Variants in KANSL1L observed in about 807,000 individuals in gnomAD.
The protein encoded by KANSL1L is KAT8 regulatory NSL complex subunit 1-like protein.
A neutral mutation model predicts 108.6 loss-of-function variants in KANSL1L; 25 were observed. The observed-to-expected ratio is 0.23, with a 90% CI of 0.17 to 0.32. KANSL1L has a LOEUF of 0.32. Ranked by LOEUF, KANSL1L falls within the 10% of genes least tolerant of loss-of-function variation. The probability of loss-of-function intolerance (pLI) is 1.00; values close to 1 mark genes in which losing one functional copy is unlikely to be tolerated. For missense variants in KANSL1L, 1,137 were observed against 1,125.7 expected (o/e 1.01, Z -0.14); for synonymous variants, 405 against 395.1 (o/e 1.03, Z -0.30).
intron 3 of KANSL1L, among the ~76,000 whole-genome samples, chr2:210,109,022 C>T (rs1575546880): frequency 6.6e-6 from 1 of 152,040 alleles, no homozygotes; most frequent in South Asian, 2.1e-4. Flanking sequence ...CTGTAAAAAA[C>T]GCCTTTTTCT....
At chr2:210,121,946 C>T (rs1241418079) in intron 3 of KANSL1L, among the ~76,000 whole-genome samples, 1 of 151,988 alleles carries the variant, frequency 6.6e-6, no homozygotes, top group Non-Finnish European at 1.5e-5. Context: ...ACAGTAGATA[C>T]AAATAAAACA....
intron 6 of KANSL1L, chr2:210,064,335 T>C (rs1251885349): frequency 6.6e-6 from 1 of 152,218 alleles, no homozygotes; most frequent in Non-Finnish European, 1.5e-5. Context: ...TTAATAAATA[T>C]TAGCTATTAT....
chr2:210,117,872 A>G (rs1329578987), intron 3 of KANSL1L, among the ~76,000 whole-genome samples: 1 of 152,202 alleles, frequency 6.6e-6, no homozygotes. Flanking sequence ...ATAAAAAAAT[A>G]GAAAATTTTG....
At chr2:210,142,822 A>T (rs777518562) in intron 2 of KANSL1L, among the ~76,000 whole-genome samples, 1 of 152,082 alleles carries the variant, frequency 6.6e-6, no homozygotes, top group Non-Finnish European at 1.5e-5. Flanking sequence ...AAAATACTTG[A>T]TATGATTTCA....
chr2:210,117,239 C>G (rs1217208275), intron 3 of KANSL1L, among the ~76,000 whole-genome samples: 3 of 152,038 alleles, frequency 2.0e-5, no homozygotes, highest in Non-Finnish European at 2.9e-5. Flanking sequence ...TAAAGCACAC[C>G]TACCAGATCA....
At chr2:210,096,164 C>T (rs370567104) in intron 5 of KANSL1L, among the ~76,000 whole-genome samples, 183 of 152,266 alleles carry the variant, frequency 1.2e-3, no homozygotes, top group African/African-American at 4.0e-3. Flanking sequence ...CTTTGAACTA[C>T]TAGTAGACAG....
chr2:210,040,173 A>G (rs1022883041), intron 8 of KANSL1L: 1 of 377,968 alleles, frequency 2.6e-6, no homozygotes, highest in East Asian at 3.9e-5. Flanking sequence ...CTGTTTCTCC[A>G]CATTTATTTA....
intron 6 of KANSL1L, among the ~76,000 whole-genome samples, chr2:210,066,487 C>T (rs13405054): frequency 2.6e-5 from 4 of 152,326 alleles, no homozygotes; most frequent in African/African-American, 7.2e-5. Flanking sequence ...CAAAGATATA[C>T]AGCATAATGA....
chr2:210,110,587 A>C (rs966797243), intron 3 of KANSL1L, among the ~76,000 whole-genome samples: 13 of 152,218 alleles, frequency 8.5e-5, no homozygotes, highest in African/African-American at 3.1e-4. Flanking sequence ...AGAATTAGCA[A>C]ATTAAAAGAC....
intron 5 of KANSL1L, among the ~76,000 whole-genome samples, chr2:210,084,178 T>C (rs1026196050): frequency 3.9e-5 from 6 of 152,090 alleles, no homozygotes; most frequent in Non-Finnish European, 8.8e-5. Flanking sequence ...TCCCAGCACT[T>C]TGGGAGGCCG....
chr2:210,135,471 C>A (rs2095165447), intron 2 of KANSL1L, among the ~76,000 whole-genome samples: 2 of 152,118 alleles, frequency 1.3e-5, no homozygotes, highest in Admixed American at 1.3e-4. Context: ...ATTTCCCAGC[C>A]TTACTTGCAG....
intron 1 of KANSL1L, among the ~76,000 whole-genome samples, chr2:210,164,860 T>G (rs968990535): frequency 6.7e-6 from 1 of 148,210 alleles, no homozygotes; most frequent in African/African-American, 2.5e-5. Context: ...TTTCTGTTTT[T>G]TTTTTTTTGT....
Position 210,029,865 on chromosome 2 carries a change from G to A in KANSL1L, c.2209C>T (p.His737Tyr), listed in dbSNP as rs753742725. 6.2e-7 allele frequency: 1 copy of A among 1,606,852 alleles called. No individual in the cohort carries two copies. The highest frequency in any genetic ancestry group is 1.1e-5 in the South Asian group (1 of 89,958). The change falls in exon 10 of 15, where the codon CAT becomes TAT. Residue 737 changes from histidine to tyrosine, a missense_variant. Around this residue, in one of 3 missense-constraint regions of KANSL1L, gnomAD observed 575 missense variants for 567.1 expected, o/e 1.01. Transcript: ENST00000281772. ...TTGGAAACAGCAGTAAAATTGCTAT[G>A]GGATCCTGATTCTGTGTGTTGAAAA... ...SDFQHTESGS[H>Y]SNFTAVSNVN...
chr2:210,031,377 T>G (rs1354700032), intron 9 of KANSL1L, 44 bp downstream of exon 9: 12 of 1,407,278 alleles, frequency 8.5e-6, no homozygotes, highest in Non-Finnish European at 1.1e-5. Flanking sequence ...AATTTTTAAT[T>G]TTTAATATTT....
intron 9 of KANSL1L, 129 bp downstream of exon 9, chr2:210,031,292 A>G: frequency 1.6e-6 from 1 of 625,868 alleles, no homozygotes; most frequent in Non-Finnish European, 2.7e-6. Context: ...TCATGTTTGT[A>G]GACTCATAGA....
intron 3 of KANSL1L, among the ~76,000 whole-genome samples, chr2:210,107,429 A>C (rs1463922965): frequency 1.3e-5 from 2 of 151,612 alleles, no homozygotes; most frequent in African/African-American, 4.8e-5. Context: ...GGAGAAGAGG[A>C]AATATAGGAA....
chr2:210,037,152 TC>T (rs1394377110), intron 8 of KANSL1L, among the ~76,000 whole-genome samples: 1 of 152,208 alleles, frequency 6.6e-6, no homozygotes, highest in Admixed American at 6.5e-5. Flanking sequence ...GCATACTCTT[TC>T]AGTCAATAAC....
chr2:210,095,352 C>T (rs916601992), intron 5 of KANSL1L, among the ~76,000 whole-genome samples: 1 of 152,014 alleles, frequency 6.6e-6, no homozygotes, highest in Non-Finnish European at 1.5e-5. Context: ...AATTCTCTTA[C>T]TAATTCACTC....
chr2:210,141,448 C>T (rs2095228869), intron 2 of KANSL1L, among the ~76,000 whole-genome samples: 1 of 152,016 alleles, frequency 6.6e-6, no homozygotes, highest in Non-Finnish European at 1.5e-5. Flanking sequence ...ATAAAAGAGG[C>T]CTGAGGAAGC....
Sources: gnomAD v4.1 joint callset for allele counts (sites outside exome capture counted in the v4.1 genomes callset) on GRCh38, gnomAD v4.1.1 for gene constraint, gnomAD v4.1.1 regional missense constraint, MANE v1.5 for transcripts, NCBI Gene and HGNC (gene_info 2026-07-23, HGNC 2026-07-21) for gene names.